Variants in IL1RAPL2 observed in about 807,000 individuals in gnomAD.
The protein encoded by IL1RAPL2 is interleukin 1 receptor accessory protein like 2.
Under a neutral mutation model 44.1 loss-of-function variants are expected in IL1RAPL2, and 3 were observed. That is an observed-to-expected ratio of 0.07 (90% confidence interval 0.03 to 0.18). The LOEUF is 0.18. Ranked by LOEUF, IL1RAPL2 falls within the 10% of genes least tolerant of loss-of-function variation. The probability of loss-of-function intolerance (pLI) is 1.00; values close to 1 mark genes in which losing one functional copy is unlikely to be tolerated. For missense variants in IL1RAPL2, 391 were observed against 496.4 expected, an observed-to-expected ratio of 0.79 and a Z score of 2.02; for synonymous variants, 181 against 178.8, an observed-to-expected ratio of 1.01 and a Z score of -0.10.
At chrX:105,479,148 G>A (rs775247694) in intron 5 of IL1RAPL2, among the ~76,000 whole-genome samples, 1 of 110,991 alleles carries the variant, frequency 9.0e-6, no homozygotes, top group Non-Finnish European at 1.9e-5. Context: ...GAAAGGGGGA[G>A]GTCTTAGAGT....
intron 5 of IL1RAPL2, among the ~76,000 whole-genome samples, chrX:105,381,018 C>A (rs141236698): frequency 9.0e-6 from 1 of 110,937 alleles, no homozygotes; most frequent in Admixed American, 9.6e-5. Flanking sequence ...TTGCTGTGGG[C>A]GAAATGCTAG....
intron 6 of IL1RAPL2, among the ~76,000 whole-genome samples, chrX:105,487,799 C>T (rs1017057231): frequency 8.9e-5 from 10 of 111,793 alleles, no homozygotes; most frequent in African/African-American, 3.3e-4. Context: ...GTTCTGCAGT[C>T]AGAATCATGA....
intron 2 of IL1RAPL2, among the ~76,000 whole-genome samples, chrX:104,899,366 A>G (rs187414448): frequency 1.4e-4 from 16 of 112,059 alleles, no homozygotes; most frequent in African/African-American, 4.5e-4. Flanking sequence ...ATCATTACAA[A>G]TTTTATTTTG....
intron 5 of IL1RAPL2, among the ~76,000 whole-genome samples, chrX:105,293,675 C>T (rs2034632823): frequency 9.0e-6 from 1 of 110,590 alleles, no homozygotes. Flanking sequence ...TTTTGTAAAC[C>T]ATATGTTTTC....
chrX:105,126,814 G>A (rs971061547), intron 2 of IL1RAPL2, among the ~76,000 whole-genome samples: 3 of 110,599 alleles, frequency 2.7e-5, no homozygotes, highest in African/African-American at 6.5e-5. Flanking sequence ...TGTGAATACC[G>A]ACAAAACATT....
At chrX:104,685,802 C>T in intron 2 of IL1RAPL2, among the ~76,000 whole-genome samples, 1 of 109,942 alleles carries the variant, frequency 9.1e-6, no homozygotes, top group Non-Finnish European at 1.9e-5. Flanking sequence ...GTGGTGGGCG[C>T]TTGTAGTACC....
chrX:105,693,812 A>G (rs777158925), intron 6 of IL1RAPL2, among the ~76,000 whole-genome samples: 2 of 111,153 alleles, frequency 1.8e-5, no homozygotes, highest in Non-Finnish European at 3.8e-5. Flanking sequence ...ATATGCTACA[A>G]TGATGGCTTT....
intron 1 of IL1RAPL2, among the ~76,000 whole-genome samples, chrX:104,600,388 C>G (rs947519559): frequency 8.1e-5 from 9 of 111,374 alleles, no homozygotes; most frequent in Middle Eastern, 4.6e-3. Context: ...AAAGTGAAAG[C>G]ACGTTCACTG....
intron 2 of IL1RAPL2, among the ~76,000 whole-genome samples, chrX:104,702,080 G>A (rs1180592595): frequency 3.6e-5 from 4 of 111,287 alleles, no homozygotes; most frequent in South Asian, 3.7e-4. Context: ...CAAAATGCAC[G>A]TCCAGGAATC....
At chrX:105,319,671 G>A (rs2034881645) in intron 5 of IL1RAPL2, among the ~76,000 whole-genome samples, 1 of 111,915 alleles carries the variant, frequency 8.9e-6, no homozygotes, top group Non-Finnish European at 1.9e-5. Flanking sequence ...TATAATTGGT[G>A]CTGTTTAGTA....
chrX:104,926,341 T>C (rs778860007), intron 2 of IL1RAPL2, among the ~76,000 whole-genome samples: 2 of 112,393 alleles, frequency 1.8e-5, no homozygotes, highest in Non-Finnish European at 1.9e-5. Context: ...TATTTCTAAA[T>C]TTTCAAAATA....
At chrX:105,321,004 C>A (rs772726317) in intron 5 of IL1RAPL2, among the ~76,000 whole-genome samples, 1 of 111,461 alleles carries the variant, frequency 9.0e-6, no homozygotes, top group South Asian at 3.8e-4. Flanking sequence ...AGCTCAGGTG[C>A]AGCCTCCTCC....
At chrX:104,920,112 C>T (rs1211555786) in intron 2 of IL1RAPL2, among the ~76,000 whole-genome samples, 1 of 111,282 alleles carries the variant, frequency 9.0e-6, no homozygotes, top group East Asian at 2.9e-4. Context: ...TTCTCCTCCT[C>T]TTCCCCAATA....
At chrX:104,763,213 C>T (rs1428444771) in intron 2 of IL1RAPL2, among the ~76,000 whole-genome samples, 2 of 112,076 alleles carry the variant, frequency 1.8e-5, no homozygotes, top group Non-Finnish European at 1.9e-5. Context: ...AGTCTCTTTA[C>T]TAAAGCATAG....
chrX:105,588,573 A>G (rs1318080225), intron 6 of IL1RAPL2, among the ~76,000 whole-genome samples: 2 of 68,099 alleles, frequency 2.9e-5, no homozygotes, highest in Non-Finnish European at 4.8e-5. Flanking sequence ...CCCAGTTTCT[A>G]TTGTTCCCTT....
intron 7 of IL1RAPL2, among the ~76,000 whole-genome samples, chrX:105,722,852 A>G (rs1031178427): frequency 9.0e-6 from 1 of 111,128 alleles, no homozygotes; most frequent in African/African-American, 3.3e-5. Context: ...TGGCTGGGGT[A>G]GCCCTGAAAA....
At chrX:105,082,723 G>A (rs1240676058) in intron 2 of IL1RAPL2, among the ~76,000 whole-genome samples, 2 of 111,626 alleles carry the variant, frequency 1.8e-5, no homozygotes, top group Non-Finnish European at 3.8e-5. Context: ...ACTGTTAGAA[G>A]GAAAACTAAC....
At chrX:105,608,563 G>A (rs1289866487) in intron 6 of IL1RAPL2, among the ~76,000 whole-genome samples, 1 of 112,164 alleles carries the variant, frequency 8.9e-6, no homozygotes, top group African/African-American at 3.2e-5. Context: ...GCAAGAAAGT[G>A]TCAATGGAAC....
intron 5 of IL1RAPL2, among the ~76,000 whole-genome samples, chrX:105,270,715 A>G (rs922756927): frequency 8.9e-6 from 1 of 111,808 alleles, no homozygotes; most frequent in African/African-American, 3.2e-5. Context: ...AACTTATACC[A>G]TGCTTTGTAT....
Sources: gnomAD v4.1 joint callset for allele counts (sites outside exome capture counted in the v4.1 genomes callset) on GRCh38, gnomAD v4.1.1 for gene constraint, MANE v1.5 for transcripts, NCBI Gene and HGNC (gene_info 2026-07-23, HGNC 2026-07-21) for gene names.